Variants in UBA6 observed in about 807,000 individuals in gnomAD.
The protein encoded by UBA6 is ubiquitin-like modifier-activating enzyme 6.
Under a neutral mutation model 148.3 loss-of-function variants are expected in UBA6, and 87 were observed. The ratio of observed to expected loss-of-function variants is 0.59; its 90% confidence interval spans 0.49 to 0.70. UBA6 has a LOEUF of 0.70. UBA6 is among the 30% of genes least tolerant of loss of function. The pLI, the probability that UBA6 is intolerant of heterozygous loss-of-function variation, is 0.00. For synonymous variants in UBA6, 376 were observed against 401.0 expected, an observed-to-expected ratio of 0.94 and a Z score of 0.75; for missense variants, 1,186 against 1,241.2, an observed-to-expected ratio of 0.96 and a Z score of 0.67.
At chr4:67,629,980 G>A (rs1728958219) in intron 26 of UBA6, among the ~76,000 whole-genome samples, 1 of 152,078 alleles carries the variant, frequency 6.6e-6, no homozygotes, top group African/African-American at 2.4e-5. Flanking sequence ...GTTAGTCAAT[G>A]AAGATGATGT....
intron 1 of UBA6, 81 bp downstream of exon 1, chr4:67,700,968 C>G: frequency 6.4e-7 from 1 of 1,570,420 alleles, no homozygotes; most frequent in Non-Finnish European, 8.7e-7. Flanking sequence ...GCGCCCCCAG[C>G]CCGCCGGAAA....
Position 67,619,083 on chromosome 4 carries a change from T to A in UBA6, c.3073A>T (p.Thr1025Ser). Residue 1025 changes from threonine (T) to serine (S), a missense_variant, in exon 33 of 33, where the codon ACT becomes TCT. Thr to Ser is a moderately conservative substitution (Grantham distance 58). Transcript: ENST00000322244. ...TCAATGTCTGGAGCAAATGACACAG[T>A]AAGATCCACATATTTCTTTTCAGTA... ...PTTEKKYVDLTVSFAPDIDGD... is the reference protein window; with the variant it reads ...PTTEKKYVDLSVSFAPDIDGD... 1 of 1,612,022 alleles carries A rather than the reference T, an allele frequency of 6.2e-7. No homozygotes were observed. The highest frequency in any genetic ancestry group is 8.5e-7 in the Non-Finnish European group (1 of 1,178,138).
intron 13 of UBA6, among the ~76,000 whole-genome samples, chr4:67,650,831 T>C (rs1422537523): frequency 2.0e-5 from 3 of 152,098 alleles, no homozygotes; most frequent in Non-Finnish European, 4.4e-5. Flanking sequence ...TGTCAAAGAA[T>C]GTCATCCTGG....
Position 67,645,997 on chromosome 4 carries a change from A to G in UBA6, c.1336T>C (p.Leu446=), listed in dbSNP as rs1729413710. The G allele has an allele frequency of 3.2e-6, 5 of 1,584,900 alleles. No homozygotes were observed. Among genetic ancestry groups the G allele is most frequent in the Middle Eastern group, 1.7e-4 (1 of 5,910 alleles). ...FLPRGDRYDA[L]RACIGDTLCQ... is the part of the protein sequence containing the mutation. Reference sequence around the variant, plus strand: ...AAAGTGTCTCCAATGCAAGCTCTTAAGGCATCATATCTATCTCCTCTGAAA... The same window carrying G: ...AAAGTGTCTCCAATGCAAGCTCTTAGGGCATCATATCTATCTCCTCTGAAA... The change falls in exon 16 of 33, where the codon TTA becomes CTA. Residue 446 remains leucine (L), a synonymous_variant. Coordinates refer to ENST00000322244, the MANE Select transcript of UBA6 (RefSeq NM_018227.6).
chr4:67,674,949 A>C (rs926816417), intron 6 of UBA6, among the ~76,000 whole-genome samples: 2 of 152,128 alleles, frequency 1.3e-5, no homozygotes, highest in African/African-American at 2.4e-5. Flanking sequence ...ACTGCAAAAC[A>C]ACCTCTGCCT....
In UBA6 at chr4:67,626,528, TTTGG is replaced by T. The variant is rs767775703; in HGVS notation, c.2401-55_2401-52del. The T allele has an allele frequency of 5.3e-6, 6 of 1,130,584 alleles. No homozygotes were observed. In the African/African-American group the frequency reaches 9.5e-5, roughly 18 times the overall value. 70.0% of individuals were successfully genotyped at this position (1,130,584 alleles called of 1,614,324 possible). A position where few individuals can be genotyped will look rare whatever the true frequency, so the allele number is the denominator to read the frequency against. ...TTAATGTTATCATTTCCTGCATCTG[TTTGG>T]TTACCATTTAACTGTTTTATCAAAT... On this transcript the variant is annotated intron_variant, in intron 27 of 32. Coordinates refer to ENST00000322244, the MANE Select transcript of UBA6 (RefSeq NM_018227.6).
chr4:67,649,997 AAATATTTGTGACAC>A (rs1367439836), intron 13 of UBA6, among the ~76,000 whole-genome samples: 1 of 152,146 alleles, frequency 6.6e-6, no homozygotes, highest in Non-Finnish European at 1.5e-5. Context: ...ACACTCTCAA[AAATATTTGTGACAC>A]AAAATGGTTA....
chr4:67,699,470 T>A (rs1321301639), intron 1 of UBA6, among the ~76,000 whole-genome samples: 1 of 152,146 alleles, frequency 6.6e-6, no homozygotes, highest in Non-Finnish European at 1.5e-5. Context: ...TTAAAAAAAC[T>A]GATTCCAATT....
At chr4:67,697,736 A>G (rs1443596192) in intron 1 of UBA6, among the ~76,000 whole-genome samples, 1 of 152,164 alleles carries the variant, frequency 6.6e-6, no homozygotes, top group African/African-American at 2.4e-5. Flanking sequence ...TACTATTTCA[A>G]TCAGTACAAT....
chr4:67,650,540 G>C (rs1392665348), intron 13 of UBA6, among the ~76,000 whole-genome samples: 1 of 152,036 alleles, frequency 6.6e-6, no homozygotes, highest in East Asian at 1.9e-4. Flanking sequence ...ATAATCACAA[G>C]AAGAGAAATA....
At chr4:67,649,609 G>C (rs1160238618) in intron 13 of UBA6, among the ~76,000 whole-genome samples, 8 of 152,060 alleles carry the variant, frequency 5.3e-5, no homozygotes, top group Admixed American at 5.2e-4. Flanking sequence ...CCTGAACTAT[G>C]ATAAAGGAAA....
intron 2 of UBA6, 120 bp from the exon 3 acceptor site, chr4:67,682,333 G>T: frequency 2.9e-6 from 2 of 680,324 alleles, no homozygotes; most frequent in South Asian, 1.9e-5. Flanking sequence ...TGTTATGAAT[G>T]ATTTGCACAG....
intron 13 of UBA6, among the ~76,000 whole-genome samples, chr4:67,654,542 A>G (rs1321769885): frequency 1.3e-5 from 2 of 152,220 alleles, no homozygotes; most frequent in Admixed American, 6.5e-5. Flanking sequence ...AGGAGGCACA[A>G]ACATGGAAAG....
At chr4:67,679,816 C>T (rs1038695920) in intron 4 of UBA6, among the ~76,000 whole-genome samples, 1 of 152,064 alleles carries the variant, frequency 6.6e-6, no homozygotes, top group African/African-American at 2.4e-5. Flanking sequence ...TCAGTATTTA[C>T]TCATTACGAA....
intron 1 of UBA6, among the ~76,000 whole-genome samples, chr4:67,696,973 T>A (rs1440989115): frequency 6.6e-6 from 1 of 152,062 alleles, no homozygotes; most frequent in Admixed American, 6.6e-5. Context: ...CATAAATACA[T>A]ATATATATAT....
In UBA6 at chr4:67,670,582, G is replaced by A; in HGVS notation, c.557C>T (p.Ala186Val). The change falls in exon 8 of 33, where the codon GCA becomes GTA. Residue 186 changes from alanine to valine, a missense_variant. By Grantham distance (64) the Ala-to-Val change is moderately conservative. Transcript: ENST00000322244. Reference protein sequence around the residue: ...SQCPPIKFISADVHGIWSRLF... With the variant: ...SQCPPIKFISVDVHGIWSRLF... ...CCTTGACCAAATTCCATGTACATCT[G>A]CACTGATAAACTGTAAAATGGCAAA... 1 of 1,608,742 alleles carries A rather than the reference G, an allele frequency of 6.2e-7. No individual in the cohort carries two copies. Among genetic ancestry groups the A allele is most frequent in the African/African-American group, 1.3e-5 (1 of 74,766 alleles).
intron 13 of UBA6, among the ~76,000 whole-genome samples, chr4:67,655,054 A>G (rs1194522321): frequency 6.6e-6 from 1 of 152,192 alleles, no homozygotes; most frequent in African/African-American, 2.4e-5. Context: ...AAGTCCGTAG[A>G]GACCTACAAA....
In UBA6 at chr4:67,662,174, A is replaced by T; in HGVS notation, c.1104+15T>A. ...ACAAACAAATATTCGGACAGCCATA[A>T]ATTTCAATAGTCACCTTCTCTTCCA... is the stretch of plus-strand genomic sequence containing the variant. On this transcript the variant is annotated intron_variant, in intron 13 of 32. Transcript: ENST00000322244. The T allele has an allele frequency of 6.2e-7, 1 of 1,611,778 alleles. No individual in the cohort carries two copies. The highest frequency in any genetic ancestry group is 8.5e-7 in the Non-Finnish European group (1 of 1,178,256).
chr4:67,634,198 T>C, intron 22 of UBA6, 44 bp downstream of exon 22: 1 of 1,333,478 alleles, frequency 7.5e-7, no homozygotes, highest in Non-Finnish European at 1.0e-6. Context: ...AAGATTACAC[T>C]GACACAAAGT....
Sources: allele counts gnomAD v4.1 joint callset (sites outside exome capture counted in the v4.1 genomes callset), GRCh38; gene constraint gnomAD v4.1.1; transcripts MANE v1.5; gene names NCBI Gene and HGNC (gene_info 2026-07-23, HGNC 2026-07-21).